Variants in LRRC8B observed in about 807,000 individuals in gnomAD.
LRRC8B encodes the protein volume-regulated anion channel subunit LRRC8B.
LRRC8B carries 23 observed loss-of-function variants against 58.8 expected under a neutral mutation model. That is an observed-to-expected ratio of 0.39 (90% CI 0.28 to 0.55). The LOEUF (loss-of-function observed/expected upper bound fraction) is 0.55. Ranked by LOEUF, LRRC8B falls within the 20% of genes least tolerant of loss-of-function variation. LRRC8B has a pLI of 0.62. For missense variants in LRRC8B, 694 were observed against 936.0 expected (o/e 0.74, Z 3.37); for synonymous variants, 359 against 374.1 (o/e 0.96, Z 0.47).
Position 89,584,039 on chromosome 1 carries a change from C to G in LRRC8B, c.1389C>G (p.Val463=). The G allele has an allele frequency of 6.2e-7, 1 of 1,614,130 alleles. No homozygotes were observed. The highest frequency in any genetic ancestry group is 8.5e-7 in the Non-Finnish European group (1 of 1,180,022). ...TGCCCTCTGCAGTCTCACAGCTGGT[C>G]AACCTCAAGGAGCTTCGTGTGTACC... The part of the protein sequence containing the change: ...VKLPSAVSQL[V]NLKELRVYHS... The change falls in exon 5 of 6, where the codon GTC becomes GTG. Residue 463 remains valine (V), a synonymous_variant. Transcript: ENST00000330947.
intron 1 of LRRC8B, among the ~76,000 whole-genome samples, chr1:89,534,734 T>G (rs1328076066): frequency 6.6e-6 from 1 of 152,194 alleles, no homozygotes; most frequent in African/African-American, 2.4e-5. Context: ...GGGAATGAAG[T>G]CAGTATAATT....
intron 1 of LRRC8B, among the ~76,000 whole-genome samples, chr1:89,525,885 A>G (rs1229707679): frequency 1.3e-5 from 2 of 152,228 alleles, no homozygotes; most frequent in African/African-American, 4.8e-5. Flanking sequence ...AAAACACTCC[A>G]CTGGTAAAAG....
intron 1 of LRRC8B, among the ~76,000 whole-genome samples, chr1:89,567,334 C>T (rs10922663): frequency 2.2e-4 from 34 of 152,090 alleles, no homozygotes; most frequent in Middle Eastern, 6.8e-3. Context: ...AAAGAAACTC[C>T]GCTATATTTT....
At chr1:89,570,227 G>A (rs12410923) in intron 3 of LRRC8B, among the ~76,000 whole-genome samples, 60,232 of 152,000 alleles carry the variant, frequency 0.4, 13,420 homozygotes, top group South Asian at 0.55. Context: ...ATGCCTTTGG[G>A]TATGTGCCCA....
chr1:89,526,467 G>A (rs1649709051), intron 1 of LRRC8B, among the ~76,000 whole-genome samples: 1 of 152,094 alleles, frequency 6.6e-6, no homozygotes, highest in Non-Finnish European at 1.5e-5. Flanking sequence ...CACCCACCTC[G>A]GCCTCCCAAA....
intron 1 of LRRC8B, among the ~76,000 whole-genome samples, chr1:89,552,307 C>G (rs1338283244): frequency 6.6e-6 from 1 of 152,034 alleles, no homozygotes; most frequent in South Asian, 2.1e-4. Context: ...TCTTCTAGCC[C>G]CTTCTCCCAC....
intron 1 of LRRC8B, among the ~76,000 whole-genome samples, chr1:89,533,217 T>A (rs1557590727): frequency 6.6e-6 from 1 of 152,306 alleles, no homozygotes; most frequent in East Asian, 1.9e-4. Context: ...TGCCTGGGTT[T>A]AATAACCCTT....
intron 3 of LRRC8B, among the ~76,000 whole-genome samples, 181 bp downstream of exon 3, chr1:89,568,674 A>G (rs1048639906): frequency 2.6e-5 from 4 of 152,168 alleles, no homozygotes; most frequent in African/African-American, 9.6e-5. Context: ...TTACATCTGT[A>G]TACCTTTTAG....
chr1:89,564,180 G>A (rs1652872765), intron 1 of LRRC8B, among the ~76,000 whole-genome samples: 2 of 152,296 alleles, frequency 1.3e-5, no homozygotes, highest in African/African-American at 4.8e-5. Flanking sequence ...ATAAGAGGCT[G>A]TGCAAGCAGG....
At chr1:89,578,793 T>TA (rs1654029645) in intron 3 of LRRC8B, among the ~76,000 whole-genome samples, 1 of 152,146 alleles carries the variant, frequency 6.6e-6, no homozygotes, top group African/African-American at 2.4e-5. Flanking sequence ...TACTTTCAAT[T>TA]AAAAACAAAT....
At chr1:89,561,887 A>C (rs1391010016) in intron 1 of LRRC8B, among the ~76,000 whole-genome samples, 1 of 151,970 alleles carries the variant, frequency 6.6e-6, no homozygotes, top group Non-Finnish European at 1.5e-5. Context: ...TTTTGGTTCC[A>C]TATGAACTTT....
intron 3 of LRRC8B, among the ~76,000 whole-genome samples, chr1:89,574,213 G>A (rs1653671183): frequency 1.3e-5 from 2 of 152,220 alleles, no homozygotes; most frequent in Non-Finnish European, 2.9e-5. Flanking sequence ...CCCTCACCAT[G>A]TGAACTGCCA....
Position 89,569,414 on chromosome 1 carries a change from G to A in LRRC8B, c.-125+921G>A, listed in dbSNP as rs544063936. Among the ~76,000 whole-genome samples, 34 of 152,198 alleles carry A rather than the reference G, an allele frequency of 2.2e-4. 1 individual carries two copies. The South Asian group carries it at 6.9e-3, about 31-fold the overall frequency. ...GGAGTAAGGATGATCCTGTCACCCA[G>A]GTAGTGAGCATAGTGTACAATAGGA... is the stretch of plus-strand genomic sequence containing the variant. On this transcript the variant is annotated intron_variant, in intron 3 of 5. Transcript: ENST00000330947.
At chr1:89,573,866 G>C (rs1343790835) in intron 3 of LRRC8B, among the ~76,000 whole-genome samples, 1 of 152,170 alleles carries the variant, frequency 6.6e-6, no homozygotes, top group African/African-American at 2.4e-5. Context: ...GGCTGCTAAG[G>C]CCTAGCAACT....
rs1210898579 is a variant in LRRC8B, at chr1:89,584,120, A to C, written c.1470A>C (p.Lys490Asn). ...TGGCCTTTCTAGAGGAGAATTTAAA[A>C]ATCCTCCGCCTGAAATTTACTGAAA... The part of the protein sequence containing the change: ...PALAFLEENL[K>N]ILRLKFTEMG... The change falls in exon 5 of 6, where the codon AAA (lysine) becomes AAC (asparagine). Residue 490 changes from lysine to asparagine, a missense_variant. Transcript: ENST00000330947. 3 of 1,613,598 alleles carry C rather than the reference A, an allele frequency of 1.9e-6. No individual in the cohort carries two copies. The South Asian group carries it at 3.3e-5, about 18-fold the overall frequency.
intron 1 of LRRC8B, among the ~76,000 whole-genome samples, chr1:89,528,681 G>A (rs1251626024): frequency 1.3e-5 from 2 of 152,146 alleles, no homozygotes; most frequent in Non-Finnish European, 2.9e-5. Context: ...CTGGTATGAT[G>A]GTTCTACAGT....
rs1198709678 is a variant in LRRC8B, at chr1:89,592,944, G to C, written c.2313G>C (p.Gln771His). The C allele has an allele frequency of 1.9e-6, 3 of 1,614,024 alleles. No individual in the cohort carries two copies. Among genetic ancestry groups the C allele is most frequent in the Non-Finnish European group, 1.7e-6 (2 of 1,179,996 alleles). The part of the protein sequence containing the change: ...ETLPPELEGC[Q>H]SLKRNCLIVE... ...TTCCTCCTGAACTAGAAGGATGTCA[G>C]TCCCTAAAACGGAACTGTCTGATTG... The change falls in exon 6 of 6, where the codon CAG (glutamine) becomes CAC (histidine). Residue 771 changes from glutamine to histidine, a missense_variant. Gln to His is a conservative substitution (Grantham distance 24, BLOSUM62 0). This residue lies in a region of LRRC8B where 139 missense variants were observed against 158.2 expected (regional missense o/e 0.88). Coordinates refer to ENST00000330947, the MANE Select transcript of LRRC8B (RefSeq NM_001369817.2).
At chr1:89,585,595 G>A (rs1654560153) in intron 5 of LRRC8B, among the ~76,000 whole-genome samples, 1 of 152,128 alleles carries the variant, frequency 6.6e-6, no homozygotes, top group Admixed American at 6.5e-5. Flanking sequence ...GGATGAAACT[G>A]ACATTCCTCT....
intron 3 of LRRC8B, among the ~76,000 whole-genome samples, chr1:89,569,758 A>G (rs995709738): frequency 3.3e-5 from 5 of 151,852 alleles, no homozygotes; most frequent in African/African-American, 7.3e-5. Context: ...AGTTTGCTAC[A>G]TAGGTATATT....
Sources: allele counts gnomAD v4.1 joint callset (sites outside exome capture counted in the v4.1 genomes callset), GRCh38; gene constraint gnomAD v4.1.1; regional missense constraint gnomAD v4.1.1; transcripts MANE v1.5; gene names NCBI Gene and HGNC (gene_info 2026-07-23, HGNC 2026-07-21).